ALG10B: variants seen among roughly 807,000 people sequenced by gnomAD.
ALG10B encodes dol-P-Glc:Glc(2)Man(9)GlcNAc(2)-PP-Dol alpha-1,2-glucosyltransferase B.
Under a neutral mutation model 38.7 loss-of-function variants are expected in ALG10B, and 27 were observed. That is an observed-to-expected ratio of 0.70 (90% CI 0.51 to 0.96). The LOEUF is 0.96. Among genes scored for constraint, ALG10B ranks in the 40% least tolerant of loss-of-function variants. The probability of loss-of-function intolerance (pLI) is 0.00; values close to 1 mark genes in which losing one functional copy is unlikely to be tolerated. For missense variants in ALG10B, 522 were observed against 542.7 expected, an observed-to-expected ratio of 0.96 and a Z score of 0.38; for synonymous variants, 177 against 193.3, an observed-to-expected ratio of 0.92 and a Z score of 0.70.
At chr12:38,318,925 G>C (rs1392731591) in intron 2 of ALG10B, among the ~76,000 whole-genome samples, 3 of 152,172 alleles carry the variant, frequency 2.0e-5, no homozygotes, top group African/African-American at 4.8e-5. Context: ...TTAACCCTTA[G>C]TGGCTCCATG....
rs1945722959 is a variant in ALG10B, at chr12:38,324,025, T to C, written c.*2812T>C. On this transcript the variant is annotated 3_prime_UTR_variant, in exon 3 of 3. Coordinates refer to ENST00000308742, the MANE Select transcript of ALG10B (RefSeq NM_001013620.4). ...TCTTTGGAGGGATCACTGTTCTATA[T>C]CTTTTTTTGTTTGTTTTTGTCTTTG... is the stretch of plus-strand genomic sequence containing the variant. The C allele has an allele frequency of 1.5e-6, 1 of 681,148 alleles. No homozygotes were observed. Among genetic ancestry groups the C allele is most frequent in the Non-Finnish European group, 2.6e-6 (1 of 377,940 alleles). The allele number at this position is 681,148 out of a possible 1,614,324, so 42.2% of individuals were successfully genotyped here.
rs1945706221 is a variant in ALG10B, at chr12:38,321,643, T to C, written c.*430T>C. 6.5e-6 allele frequency: 1 copy of C among 152,844 alleles called. No individual in the cohort carries two copies. The highest frequency in any genetic ancestry group is 2.4e-5 in the African/African-American group (1 of 41,458). The allele number at this position is 152,844 out of a possible 1,614,324, so 9.5% of individuals were successfully genotyped here. Reference sequence around the variant, plus strand: ...GTAATGGCAAAACCACAATTACTTTTGTACCAACCTAATAACAATGTGTTA... The same window carrying C: ...GTAATGGCAAAACCACAATTACTTTCGTACCAACCTAATAACAATGTGTTA... On this transcript the variant is annotated 3_prime_UTR_variant, in exon 3 of 3. Coordinates refer to ENST00000308742, the MANE Select transcript of ALG10B (RefSeq NM_001013620.4).
rs1281002926 is a variant in ALG10B at position 38,329,008 on chromosome 12, G to A, written c.*7795G>A. The A allele has an allele frequency of 1.8e-5, 7 of 390,668 alleles. No individual in the cohort carries two copies. The highest frequency in any genetic ancestry group is 1.2e-4 in the African/African-American group (6 of 48,480). 24.2% of individuals were successfully genotyped at this position (390,668 alleles called of 1,614,324 possible). On this transcript the variant is annotated 3_prime_UTR_variant, in exon 3 of 3. Transcript: ENST00000308742. ...AAAATAACTGTCTGAGCTGGGATTC[G>A]TAACCAGGCAGCCTGACTCCAAAAT...
chr12:38,327,588 G>A lies in ALG10B; in HGVS notation c.*6375G>A, dbSNP rs553535769. 2.6e-5 allele frequency: 4 copies of A among 152,224 alleles called. No homozygotes were observed. The highest frequency in any genetic ancestry group is 9.6e-5 in the African/African-American group (4 of 41,534). The allele number at this position is 152,224 out of a possible 1,614,324, so 9.4% of individuals were successfully genotyped here. A position where few individuals can be genotyped will look rare whatever the true frequency, so the allele number is the denominator to read the frequency against. On this transcript the variant is annotated 3_prime_UTR_variant, in exon 3 of 3. Transcript: ENST00000308742. ...TCACTAAATGAACATAGATTGGTAT[G>A]ACTCCCAAGCCTGTGAGTTTTTGAC... is the stretch of plus-strand genomic sequence containing the variant.
At position 38,323,576 on chromosome 12, in the gene ALG10B, A is replaced by C. The variant is rs1945719674; in HGVS notation, c.*2363A>C. On this transcript the variant is annotated 3_prime_UTR_variant, in exon 3 of 3. Transcript: ENST00000308742. The stretch of plus-strand genomic sequence containing the variant: ...CTCAATGTCAAATTTTGCTTCTCTG[A>C]GTTTTAAGTGATGAGTCTACATTTA... 4.5e-6 allele frequency: 1 copy of C among 222,072 alleles called. No homozygotes were observed. The highest frequency in any genetic ancestry group is 9.5e-5 in the East Asian group (1 of 10,516). The allele number at this position is 222,072 out of a possible 1,614,324, so 13.8% of individuals were successfully genotyped here. A position where few individuals can be genotyped will look rare whatever the true frequency, so the allele number is the denominator to read the frequency against.
chr12:38,322,451 T>C lies in ALG10B; in HGVS notation c.*1238T>C, dbSNP rs937458156. On this transcript the variant is annotated 3_prime_UTR_variant, in exon 3 of 3. Transcript: ENST00000308742. ...CATTTTAGGATAATCCTCATATGAT[T>C]GTTAGGAGACTACCTTTAAAAATTT... 3 of 152,250 alleles carry C rather than the reference T, an allele frequency of 2.0e-5. No homozygotes were observed. The highest frequency in any genetic ancestry group is 7.2e-5 in the African/African-American group (3 of 41,466). The allele number at this position is 152,250 out of a possible 1,614,324, so 9.4% of individuals were successfully genotyped here.
In ALG10B at chr12:38,320,702, C is replaced by T; in HGVS notation, c.911C>T (p.Pro304Leu). The change falls in exon 3 of 3, where the codon CCT becomes CTT. Residue 304 changes from proline (P) to leucine (L), a missense_variant. Physicochemically the swap from Pro to Leu is moderately conservative, Grantham distance 98 (BLOSUM62 -3). Transcript: ENST00000308742. The part of the protein sequence containing the change: ...FFSFTLFFSF[P>L]HLLSPSKIKT... ...TCATTTACTCTCTTTTTTTCTTTTC[C>T]TCATCTCCTGTCTCCTAGCAAAATT... The T allele has an allele frequency of 6.2e-7, 1 of 1,613,524 alleles. No homozygotes were observed. The highest frequency in any genetic ancestry group is 8.5e-7 in the Non-Finnish European group (1 of 1,179,846).
chr12:38,316,992 G>T lies in ALG10B; in HGVS notation c.99G>T (p.Glu33Asp), dbSNP rs188043534. ...LFSAFSRALR[E>D]PYMDEIFHLP... ...CCGCCTTCAGCCGGGCGCTGCGAGA[G>T]CCCTACATGGACGAGATCTTCCACC... Residue 33 changes from glutamate to aspartate, a missense_variant, in exon 1 of 3, where the codon GAG (glutamate) becomes GAT (aspartate). Coordinates refer to ENST00000308742, the MANE Select transcript of ALG10B (RefSeq NM_001013620.4). 6 of 1,614,114 alleles carry T rather than the reference G, an allele frequency of 3.7e-6. No homozygotes were observed. In the East Asian group the frequency reaches 1.3e-4, roughly 36 times the overall value.
In ALG10B at chr12:38,326,470, C is replaced by CT. The variant is rs142253493; in HGVS notation, c.*5259dup. On this transcript the variant is annotated 3_prime_UTR_variant, in exon 3 of 3. Transcript: ENST00000308742. ...GTTATAACACTTTAAAGGAAAGTTT[C>CT]TTATTAAAGAAACTTTATACCCTAT... 1.1e-5 allele frequency: 1 copy of CT among 88,970 alleles called. No homozygotes were observed. The highest frequency in any genetic ancestry group is 5.4e-5 in the African/African-American group (1 of 18,516). The allele number at this position is 88,970 out of a possible 1,614,324, so 5.5% of individuals were successfully genotyped here. A position where few individuals can be genotyped will look rare whatever the true frequency, so the allele number is the denominator to read the frequency against.
chr12:38,317,000 T>G lies in ALG10B; in HGVS notation c.107T>G (p.Met36Arg), dbSNP rs752346329. The stretch of plus-strand genomic sequence containing the variant: ...AGCCGGGCGCTGCGAGAGCCCTACA[T>G]GGACGAGATCTTCCACCTGCCTCAG... ...AFSRALREPY[M>R]DEIFHLPQAQ... Residue 36 changes from methionine to arginine, a missense_variant, in exon 1 of 3, where the codon ATG (methionine) becomes AGG (arginine). By Grantham distance (91) the Met-to-Arg change is moderately conservative. Transcript: ENST00000308742. 8.1e-6 allele frequency: 13 copies of G among 1,614,042 alleles called. No individual in the cohort carries two copies. The highest frequency in any genetic ancestry group is 1.0e-5 in the Non-Finnish European group (12 of 1,179,998).
At position 38,320,566 on chromosome 12, in the gene ALG10B, C is replaced by T. The variant is rs1176272488; in HGVS notation, c.775C>T (p.Leu259Phe). 1 of 1,613,948 alleles carries T rather than the reference C, an allele frequency of 6.2e-7. No individual in the cohort carries two copies. Reference protein sequence around the residue: ...MLFCLTWPYILLGFLFCAFVV... With the variant: ...MLFCLTWPYIFLGFLFCAFVV... ...TTTCTGTTTGACTTGGCCCTACATC[C>T]TTCTGGGATTTCTGTTTTGTGCTTT... is the stretch of plus-strand genomic sequence containing the variant. The change falls in exon 3 of 3, where the codon CTT becomes TTT. Residue 259 changes from leucine (L) to phenylalanine (F), a missense_variant. By Grantham distance (22) the Leu-to-Phe change is conservative (BLOSUM62 0). Transcript: ENST00000308742.
upstream of ALG10B, chr12:38,316,742 G>T (rs1472042088): frequency 3.8e-5 from 51 of 1,325,206 alleles, no homozygotes; most frequent in Non-Finnish European, 5.0e-5. Context: ...TTCCGGATCC[G>T]CGCTCTCCCA....
Position 38,320,213 on chromosome 12 carries a change from C to T in ALG10B, c.422C>T (p.Pro141Leu), listed in dbSNP as rs1945688829. 5.6e-6 allele frequency: 9 copies of T among 1,613,898 alleles called. No individual in the cohort carries two copies. Among genetic ancestry groups the T allele is most frequent in the Non-Finnish European group, 5.9e-6 (7 of 1,179,922 alleles). ...VLSTLTLAVF[P>L]TLYFFNFLYY... The stretch of plus-strand genomic sequence containing the variant: ...TCAACATTAACACTAGCAGTATTTC[C>T]AACACTTTATTTTTTTAACTTCCTT... Residue 141 changes from proline to leucine, a missense_variant, in exon 3 of 3, where the codon CCA (proline) becomes CTA (leucine). Coordinates refer to ENST00000308742, the MANE Select transcript of ALG10B (RefSeq NM_001013620.4).
Position 38,328,951 on chromosome 12 carries a change from A to G in ALG10B, c.*7738A>G, listed in dbSNP as rs1172578816. 2 of 352,298 alleles carry G rather than the reference A, an allele frequency of 5.7e-6. No homozygotes were observed. The highest frequency in any genetic ancestry group is 1.5e-4 in the South Asian group (1 of 6,612). The allele number at this position is 352,298 out of a possible 1,614,324, so 21.8% of individuals were successfully genotyped here. ...TACCGTACACATGGGGAAACTTAGT[A>G]TAGAGAGGTGAAGTATTTTTTCCAA... On this transcript the variant is annotated 3_prime_UTR_variant, in exon 3 of 3. Transcript: ENST00000308742.
In ALG10B at chr12:38,322,424, G is replaced by A. The variant is rs1945711734; in HGVS notation, c.*1211G>A. 2.0e-5 allele frequency: 3 copies of A among 152,058 alleles called. No homozygotes were observed. The highest frequency in any genetic ancestry group is 2.9e-5 in the Non-Finnish European group (2 of 68,014). The allele number at this position is 152,058 out of a possible 1,614,324, so 9.4% of individuals were successfully genotyped here. A position where few individuals can be genotyped will look rare whatever the true frequency, so the allele number is the denominator to read the frequency against. On this transcript the variant is annotated 3_prime_UTR_variant, in exon 3 of 3. Coordinates refer to ENST00000308742, the MANE Select transcript of ALG10B (RefSeq NM_001013620.4). ...TTTCAGTCCATGACAGTTACTAAAG[G>A]ACATTTTAGGATAATCCTCATATGA...
chr12:38,316,865 G>C lies in ALG10B; in HGVS notation c.-29G>C. On this transcript the variant is annotated 5_prime_UTR_variant, in exon 1 of 3. Transcript: ENST00000308742. Reference sequence around the variant, plus strand: ...CGGGCTCAGAATTTTCCAGGAGTGGGTTCTTGGGCAGTGGCTGTGGGAGCA... The same window carrying C: ...CGGGCTCAGAATTTTCCAGGAGTGGCTTCTTGGGCAGTGGCTGTGGGAGCA... 1 of 1,614,018 alleles carries C rather than the reference G, an allele frequency of 6.2e-7. No homozygotes were observed. Among genetic ancestry groups the C allele is most frequent in the Non-Finnish European group, 8.5e-7 (1 of 1,179,950 alleles).
Position 38,326,160 on chromosome 12 carries a change from A to G in ALG10B, c.*4947A>G, listed in dbSNP as rs2120516109. On this transcript the variant is annotated 3_prime_UTR_variant, in exon 3 of 3. Coordinates refer to ENST00000308742, the MANE Select transcript of ALG10B (RefSeq NM_001013620.4). The stretch of plus-strand genomic sequence containing the variant: ...GTAAGCTTTCTTAAAACATGATGAG[A>G]TATTTTGTGATTTTATTTTATTTTA... The G allele has an allele frequency of 6.7e-6, 1 of 148,832 alleles. No homozygotes were observed. Among genetic ancestry groups the G allele is most frequent in the East Asian group, 1.9e-4 (1 of 5,144 alleles). The allele number at this position is 148,832 out of a possible 1,614,324, so 9.2% of individuals were successfully genotyped here. A position where few individuals can be genotyped will look rare whatever the true frequency, so the allele number is the denominator to read the frequency against.
Position 38,320,384 on chromosome 12 carries a change from G to A in ALG10B, c.593G>A (p.Gly198Glu), listed in dbSNP as rs774874692. 1 of 1,613,992 alleles carries A rather than the reference G, an allele frequency of 6.2e-7. No individual in the cohort carries two copies. The change falls in exon 3 of 3, where the codon GGG becomes GAG. Residue 198 changes from glycine to glutamate, a missense_variant. Gly to Glu is a moderately conservative substitution (Grantham distance 98). Transcript: ENST00000308742. The part of the protein sequence containing the change: ...TNIIWAVFCA[G>E]NVIAQKLTEA... ...ATCATCTGGGCTGTCTTCTGTGCAGGGAATGTCATTGCACAAAAGTTAACT... is the reference window on the plus strand; with the variant it reads ...ATCATCTGGGCTGTCTTCTGTGCAGAGAATGTCATTGCACAAAAGTTAACT...
Position 38,329,017 on chromosome 12 carries a change from C to A in ALG10B, c.*7804C>A, listed in dbSNP as rs1303143556. 3.3e-5 allele frequency: 13 copies of A among 392,346 alleles called. No individual in the cohort carries two copies. Among genetic ancestry groups the A allele is most frequent in the Non-Finnish European group, 5.4e-5 (12 of 222,652 alleles). 24.3% of individuals were successfully genotyped at this position (392,346 alleles called of 1,614,324 possible). On this transcript the variant is annotated 3_prime_UTR_variant, in exon 3 of 3. Coordinates refer to ENST00000308742, the MANE Select transcript of ALG10B (RefSeq NM_001013620.4). ...GTCTGAGCTGGGATTCGTAACCAGG[C>A]AGCCTGACTCCAAAATCAATATTCT...
Sources: allele counts gnomAD v4.1 joint callset (sites outside exome capture counted in the v4.1 genomes callset), GRCh38; gene constraint gnomAD v4.1.1; transcripts MANE v1.5; gene names NCBI Gene and HGNC (gene_info 2026-07-23, HGNC 2026-07-21).